Variants in TBL1Y observed in about 807,000 individuals in gnomAD.
TBL1Y encodes transducin beta like 1 Y-linked.
Under a neutral mutation model 12.0 loss-of-function variants are expected in TBL1Y, and 15 were observed. That is an observed-to-expected ratio of 1.25 (90% CI 0.83 to 1.92). The LOEUF (loss-of-function observed/expected upper bound fraction) is 1.92, where lower values mean the gene tolerates loss of function less well. TBL1Y is among the 40% of genes most tolerant of loss of function. The pLI is 0.00. For missense variants in TBL1Y, 148 were observed against 116.7 expected (o/e 1.27, Z -1.24); for synonymous variants, 53 against 42.6 (o/e 1.24, Z -0.95).
In TBL1Y at chrY:7,064,029, A is replaced by G; in HGVS notation, c.337A>G (p.Thr113Ala). The change falls in exon 8 of 19, where the codon ACA becomes GCA. Residue 113 changes from threonine (T) to alanine (A), a missense_variant. Coordinates refer to ENST00000383032, the MANE Select transcript of TBL1Y (RefSeq NM_033284.2). ...LTQQQASAAA[T>A]EASAMAKAAT... ...TCAGCAGCAAGCCAGTGCAGCAGCCACAGAGGCATCAGCAATGGCAAAGGC... is the reference window on the plus strand; with the variant it reads ...TCAGCAGCAAGCCAGTGCAGCAGCCGCAGAGGCATCAGCAATGGCAAAGGC... 2.5e-6 allele frequency: 1 copy of G among 398,874 alleles called. No individual in the cohort carries two copies.
At chrY:6,923,935 C>T (rs930399498) in intron 2 of TBL1Y, among the ~76,000 whole-genome samples, 1 of 32,471 alleles carries the variant, frequency 3.1e-5, no homozygotes, top group Non-Finnish European at 7.5e-5. Flanking sequence ...TGATACTCCT[C>T]AAAGTAGCTG....
intron 8 of TBL1Y, among the ~76,000 whole-genome samples, chrY:7,064,462 G>T (rs959882269): frequency 3.0e-5 from 1 of 33,433 alleles, no homozygotes; most frequent in Non-Finnish European, 7.4e-5. Flanking sequence ...GACAAATTTA[G>T]TCTCAGCCTC....
chrY:6,916,820 G>C, intron 2 of TBL1Y, among the ~76,000 whole-genome samples: 1 of 34,745 alleles, frequency 2.9e-5, no homozygotes, highest in Admixed American at 2.6e-4. Flanking sequence ...TTTCAACACT[G>C]AGTTCTGGAA....
chrY:6,952,938 C>A, intron 2 of TBL1Y, among the ~76,000 whole-genome samples: 1 of 32,906 alleles, frequency 3.0e-5, no homozygotes, highest in East Asian at 7.9e-4. Context: ...ACTTCTGAAG[C>A]TTAGTTTGGC....
At chrY:7,037,951 C>T (rs751778660) in intron 6 of TBL1Y, among the ~76,000 whole-genome samples, 1 of 34,128 alleles carries the variant, frequency 2.9e-5, no homozygotes, top group South Asian at 6.5e-4. Context: ...GCCAAATAAG[C>T]AGTATTTCTA....
At chrY:7,083,420 C>T in intron 14 of TBL1Y, among the ~76,000 whole-genome samples, 1 of 33,775 alleles carries the variant, frequency 3.0e-5, no homozygotes, top group Non-Finnish European at 7.4e-5. Context: ...GTGAGAGTCA[C>T]TCTTGCTAGC....
At chrY:6,929,465 G>T (rs2011848504) in intron 2 of TBL1Y, among the ~76,000 whole-genome samples, 1 of 33,768 alleles carries the variant, frequency 3.0e-5, no homozygotes, top group Non-Finnish European at 7.4e-5. Flanking sequence ...ATTGGAGCAG[G>T]TGCTGGGATT....
At chrY:7,045,577 G>A (rs566949215) in intron 7 of TBL1Y, among the ~76,000 whole-genome samples, 1 of 33,419 alleles carries the variant, frequency 3.0e-5, no homozygotes, top group Admixed American at 2.7e-4. Flanking sequence ...ATGCTGGCTT[G>A]TGCCGTAGTT....
At chrY:6,936,518 T>G in intron 2 of TBL1Y, among the ~76,000 whole-genome samples, 1 of 34,514 alleles carries the variant, frequency 2.9e-5, no homozygotes, top group Non-Finnish European at 7.3e-5. Context: ...AAACAAGGCT[T>G]GGAGCAGCTA....
Position 7,070,278 on chromosome Y carries a change from T to C in TBL1Y, c.540T>C (p.Ser180=), listed in dbSNP as rs2013016046. 2.5e-6 allele frequency: 1 copy of C among 395,753 alleles called. No individual in the cohort carries two copies. The change falls in exon 9 of 19, where the codon TCT becomes TCC. Residue 180 remains serine, a synonymous_variant. Transcript: ENST00000383032. ...CCACAGTCCTTCGGGGCCACGAGTC[T>C]GAGGTGTTCATTTGTGCCTGGAACC... is the stretch of plus-strand genomic sequence containing the variant. ...NKATVLRGHE[S]EVFICAWNPV... is the part of the protein sequence containing the mutation.
At chrY:7,049,035 C>T (rs752491919) in intron 7 of TBL1Y, among the ~76,000 whole-genome samples, 1 of 32,807 alleles carries the variant, frequency 3.0e-5, no homozygotes, top group African/African-American at 1.2e-4. Context: ...TCCCCGCTCC[C>T]CCACCCCACA....
chrY:6,950,473 A>G (rs2012016430), intron 2 of TBL1Y, among the ~76,000 whole-genome samples: 1 of 33,674 alleles, frequency 3.0e-5, no homozygotes. Flanking sequence ...CAAAACATCC[A>G]TAGCCTAACA....
At chrY:6,987,599 C>T in intron 3 of TBL1Y, among the ~76,000 whole-genome samples, 1 of 33,158 alleles carries the variant, frequency 3.0e-5, no homozygotes, top group African/African-American at 1.2e-4. Flanking sequence ...TGTGAGCCAC[C>T]GTACCCAGCC....
intron 9 of TBL1Y, among the ~76,000 whole-genome samples, 158 bp downstream of exon 9, chrY:7,070,486 C>T: frequency 1.2e-4 from 4 of 33,893 alleles, no homozygotes; most frequent in African/African-American, 4.6e-4. Flanking sequence ...ATACGTGTCT[C>T]GTATTGTGAA....
intron 13 of TBL1Y, among the ~76,000 whole-genome samples, chrY:7,078,717 T>C: frequency 2.9e-5 from 1 of 34,034 alleles, no homozygotes; most frequent in Non-Finnish European, 7.3e-5. Context: ...CCTCTACATA[T>C]GAAAAGTCTC....
intron 5 of TBL1Y, among the ~76,000 whole-genome samples, chrY:7,023,503 G>T (rs2012594527): frequency 3.0e-5 from 1 of 33,159 alleles, no homozygotes; most frequent in Non-Finnish European, 7.4e-5. Context: ...GTTGTAAATC[G>T]AGAAGGACTG....
At chrY:6,999,351 G>A (rs2012430500) in intron 4 of TBL1Y, among the ~76,000 whole-genome samples, 4 of 33,218 alleles carry the variant, frequency 1.2e-4, no homozygotes, top group Non-Finnish European at 3.0e-4. Flanking sequence ...AGGCAGTGTT[G>A]GTTTTGGCAC....
Position 7,063,916 on chromosome Y carries a change from G to C in TBL1Y, c.224G>C (p.Ser75Thr), listed in dbSNP as rs200332530. Residue 75 changes from serine to threonine, a missense_variant, in exon 8 of 19, where the codon AGC becomes ACC. Ser to Thr is a moderately conservative substitution (Grantham distance 58, BLOSUM62 1). Transcript: ENST00000383032. ...SINKDGTVFD[S>T]RPIESLSLIV... ...CCCCAGGATGGCACAGTGTTCGACA[G>C]CCGCCCTATAGAGTCCCTGTCCCTG... The C allele has an allele frequency of 1.5e-5, 6 of 395,665 alleles. No homozygotes were observed. Among genetic ancestry groups the C allele is most frequent in the Non-Finnish European group, 2.1e-5 (6 of 282,937 alleles).
chrY:6,959,561 G>A, intron 2 of TBL1Y, among the ~76,000 whole-genome samples: 1 of 33,147 alleles, frequency 3.0e-5, no homozygotes, highest in Non-Finnish European at 7.4e-5. Flanking sequence ...TGCAACAGTG[G>A]AATTTCCAGT....
Sources: allele counts gnomAD v4.1 joint callset (sites outside exome capture counted in the v4.1 genomes callset), GRCh38; gene constraint gnomAD v4.1.1; transcripts MANE v1.5; gene names NCBI Gene and HGNC (gene_info 2026-07-23, HGNC 2026-07-21).